Variants in COL5A2 observed in about 807,000 individuals in gnomAD.
COL5A2 encodes collagen type V alpha 2 chain, also known as collagen alpha-2(V) chain.
In COL5A2, 23 loss-of-function variants were observed where a neutral mutation model predicts 208.2. The observed-to-expected ratio is 0.11, with a 90% CI of 0.08 to 0.16. The LOEUF is 0.16. Among genes scored for constraint, COL5A2 ranks in the 10% least tolerant of loss-of-function variants. The pLI is 1.00. For synonymous variants in COL5A2, 625 were observed against 628.5 expected, an observed-to-expected ratio of 0.99 and a Z score of 0.08; for missense variants, 1,590 against 1,956.4, an observed-to-expected ratio of 0.81 and a Z score of 3.53.
the COL5A2 span, among the ~76,000 whole-genome samples, chr2:189,331,306 G>T: frequency 6.6e-6 from 1 of 152,090 alleles, no homozygotes; most frequent in Non-Finnish European, 1.5e-5. Context: ...AGAGGCAGAT[G>T]GATCACGAGG....
the COL5A2 span, among the ~76,000 whole-genome samples, chr2:189,387,067 G>A: frequency 1.3e-5 from 2 of 152,030 alleles, no homozygotes; most frequent in Admixed American, 6.6e-5. Context: ...ATCAACCTAG[G>A]TGCCCATCAA....
At chr2:189,281,976 G>A in the COL5A2 span, among the ~76,000 whole-genome samples, 2 of 152,148 alleles carry the variant, frequency 1.3e-5, no homozygotes, top group African/African-American at 2.4e-5. Flanking sequence ...CTGAGGTCAG[G>A]AGTTCAAGAC....
At chr2:189,203,033 C>T (rs1314515500) in intron 1 of COL5A2, among the ~76,000 whole-genome samples, 1 of 152,134 alleles carries the variant, frequency 6.6e-6, no homozygotes, top group Non-Finnish European at 1.5e-5. Flanking sequence ...AATTCAGTAA[C>T]TTTCCATTGG....
the COL5A2 span, among the ~76,000 whole-genome samples, chr2:189,267,222 C>A: frequency 3.9e-5 from 6 of 151,976 alleles, no homozygotes; most frequent in African/African-American, 1.2e-4. Context: ...TTGCCTGCAT[C>A]CATACTCTTG....
At chr2:189,382,374 T>A in the COL5A2 span, among the ~76,000 whole-genome samples, 7 of 151,906 alleles carry the variant, frequency 4.6e-5, no homozygotes, top group Non-Finnish European at 8.8e-5. Context: ...TAAAATAAAA[T>A]AAAAATTAAT....
At chr2:189,264,431 T>C in the COL5A2 span, among the ~76,000 whole-genome samples, 2 of 152,140 alleles carry the variant, frequency 1.3e-5, no homozygotes, top group Admixed American at 6.6e-5. Context: ...AACGTGTTTA[T>C]AGAAAGAAGG....
intron 23 of COL5A2, among the ~76,000 whole-genome samples, chr2:189,066,002 T>G (rs1686140294): frequency 6.6e-6 from 1 of 152,228 alleles, no homozygotes. Context: ...GTGTCATGTC[T>G]TTACTTAGTG....
At chr2:189,313,963 A>G in the COL5A2 span, among the ~76,000 whole-genome samples, 1 of 152,210 alleles carries the variant, frequency 6.6e-6, no homozygotes, top group African/African-American at 2.4e-5. Context: ...AGAGACCTTC[A>G]GAGAGACTTA....
chr2:189,370,343 A>G, the COL5A2 span, among the ~76,000 whole-genome samples: 17 of 152,220 alleles, frequency 1.1e-4, no homozygotes, highest in African/African-American at 4.1e-4. Context: ...TATTTCATAG[A>G]GTCATTATAA....
chr2:189,258,062 C>T, the COL5A2 span, among the ~76,000 whole-genome samples: 4 of 151,832 alleles, frequency 2.6e-5, no homozygotes, highest in Non-Finnish European at 4.4e-5. Context: ...TGCAGTGAGC[C>T]GATATCGTGC....
chr2:189,161,425 A>G (rs1383708961), intron 1 of COL5A2, among the ~76,000 whole-genome samples: 2 of 152,210 alleles, frequency 1.3e-5, no homozygotes, highest in African/African-American at 4.8e-5. Flanking sequence ...AGTAAAATAT[A>G]AATTTAACTT....
At chr2:189,322,998 G>C in the COL5A2 span, among the ~76,000 whole-genome samples, 2 of 37,974 alleles carry the variant, frequency 5.3e-5, no homozygotes, top group Admixed American at 2.2e-4. Flanking sequence ...TCATCCCTGG[G>C]ATGCAAGCTG....
intron 7 of COL5A2, among the ~76,000 whole-genome samples, chr2:189,091,513 T>C (rs1011155570): frequency 6.6e-6 from 1 of 152,212 alleles, no homozygotes; most frequent in African/African-American, 2.4e-5. Flanking sequence ...AAAAAGATTA[T>C]GGCTTGCTGA....
the COL5A2 span, among the ~76,000 whole-genome samples, chr2:189,230,393 G>A: frequency 6.6e-6 from 1 of 151,794 alleles, no homozygotes. Flanking sequence ...GCAGCCCACA[G>A]AATGGAAGAC....
the COL5A2 span, among the ~76,000 whole-genome samples, chr2:189,342,515 AT>A: frequency 1.3e-5 from 2 of 148,478 alleles, no homozygotes; most frequent in Non-Finnish European, 3.0e-5. Flanking sequence ...ATATACATAT[AT>A]ATAAACCCAA....
At chr2:189,369,122 T>C in the COL5A2 span, among the ~76,000 whole-genome samples, 1 of 152,228 alleles carries the variant, frequency 6.6e-6, no homozygotes, top group African/African-American at 2.4e-5. Context: ...AAACATGAAA[T>C]ATATAAGCAT....
chr2:189,142,013 A>G (rs1687943658), intron 1 of COL5A2, among the ~76,000 whole-genome samples: 3 of 152,286 alleles, frequency 2.0e-5, no homozygotes, highest in Admixed American at 2.0e-4. Context: ...GAGAGATAAT[A>G]TAAATCTGAT....
chr2:189,063,907 A>T, intron 26 of COL5A2, 73 bp downstream of exon 26: 1 of 1,213,458 alleles, frequency 8.2e-7, no homozygotes, highest in Non-Finnish European at 1.2e-6. Context: ...ACATTAACCT[A>T]AATAAATATC....
chr2:189,102,953 C>G (rs1018927938), intron 3 of COL5A2, among the ~76,000 whole-genome samples: 2 of 152,084 alleles, frequency 1.3e-5, no homozygotes, highest in African/African-American at 4.8e-5. Flanking sequence ...TATTCTTCAC[C>G]CAGCTCTCCC....
Sources: gnomAD v4.1 joint callset for allele counts (sites outside exome capture counted in the v4.1 genomes callset) on GRCh38, gnomAD v4.1.1 for gene constraint, MANE v1.5 for transcripts, NCBI Gene and HGNC (gene_info 2026-07-23, HGNC 2026-07-21) for gene names.